The following MYO6 variants were observed in gnomAD, a reference collection of about 807,000 sequenced individuals.
MYO6 encodes myosin VI, also known as unconventional myosin-VI.
MYO6 carries 74 observed loss-of-function variants against 178.7 expected under a neutral mutation model. The observed-to-expected ratio is 0.41, with a 90% CI of 0.34 to 0.50. The LOEUF is 0.50. MYO6 is among the 20% of genes least tolerant of loss of function. The pLI is 0.09. For synonymous variants in MYO6, 477 were observed against 504.6 expected (o/e 0.95, Z 0.73); for missense variants, 1,330 against 1,547.4 (o/e 0.86, Z 2.36).
At chr6:75,857,056 C>G (rs375241453) in intron 12 of MYO6, 41 bp from the exon 13 acceptor site, 24 of 1,601,572 alleles carry the variant, frequency 1.5e-5, no homozygotes, top group Non-Finnish European at 2.1e-5. Flanking sequence ...TCACAGTGCA[C>G]TATTATAAAG....
chr6:75,827,690 T>A (rs958047082), intron 3 of MYO6, among the ~76,000 whole-genome samples: 15 of 152,160 alleles, frequency 9.9e-5, no homozygotes, highest in Non-Finnish European at 2.2e-4. Context: ...GTTGAGAGAT[T>A]CAGATTATGC....
intron 1 of MYO6, among the ~76,000 whole-genome samples, chr6:75,756,910 T>TACACAC (rs35759968): frequency 4.8e-5 from 6 of 123,902 alleles, no homozygotes; most frequent in African/African-American, 1.9e-4. Flanking sequence ...TATATATATA[T>TACACAC]ACACATATAT....
chr6:75,847,352 A>C (rs951612941), intron 10 of MYO6, among the ~76,000 whole-genome samples: 17 of 152,112 alleles, frequency 1.1e-4, no homozygotes, highest in African/African-American at 4.1e-4. Context: ...TGGGAGGAAA[A>C]AATATCCATC....
At chr6:75,902,165 A>G (rs1258416708) in intron 30 of MYO6, among the ~76,000 whole-genome samples, 4 of 152,164 alleles carry the variant, frequency 2.6e-5, no homozygotes, top group Non-Finnish European at 4.4e-5. Context: ...ATGTTCTTCA[A>G]GGATATTGGT....
chr6:75,774,957 C>G (rs1334984743), intron 1 of MYO6, among the ~76,000 whole-genome samples: 1 of 151,944 alleles, frequency 6.6e-6, no homozygotes, highest in Non-Finnish European at 1.5e-5. Flanking sequence ...CCACACCTGG[C>G]TAATTTTTGT....
intron 6 of MYO6, among the ~76,000 whole-genome samples, chr6:75,834,956 A>G (rs1482947941): frequency 6.6e-6 from 1 of 152,240 alleles, no homozygotes; most frequent in Non-Finnish European, 1.5e-5. Context: ...GAAAATGAAC[A>G]AAAAGTTAAG....
At chr6:75,913,114 T>A (rs1288321811) in intron 33 of MYO6, among the ~76,000 whole-genome samples, 1 of 152,182 alleles carries the variant, frequency 6.6e-6, no homozygotes, top group African/African-American at 2.4e-5. Flanking sequence ...GACTCTTAAC[T>A]GAGCTGCTGT....
At chr6:75,845,115 T>C in intron 10 of MYO6, 138 bp downstream of exon 10, 2 of 701,778 alleles carry the variant, frequency 2.8e-6, no homozygotes, top group Admixed American at 5.0e-5. Flanking sequence ...AATATTCATC[T>C]AAGTCTCTGT....
chr6:75,815,888 CT>C (rs921406870), intron 1 of MYO6, among the ~76,000 whole-genome samples: 1 of 152,140 alleles, frequency 6.6e-6, no homozygotes, highest in Non-Finnish European at 1.5e-5. Flanking sequence ...AAATAAGTGC[CT>C]GTCAAGATGA....
At chr6:75,861,176 T>C in intron 15 of MYO6, 81 bp downstream of exon 15, 1 of 1,073,326 alleles carries the variant, frequency 9.3e-7, no homozygotes, top group East Asian at 2.4e-5. Flanking sequence ...TGCTTTTTAA[T>C]TGACATTACT....
intron 7 of MYO6, among the ~76,000 whole-genome samples, chr6:75,838,929 G>T (rs960806083): frequency 1.3e-5 from 2 of 151,832 alleles, no homozygotes; most frequent in African/African-American, 4.8e-5. Context: ...CAAAGTGCTG[G>T]GATTACAGGT....
At chr6:75,776,538 C>T (rs1362947625) in intron 1 of MYO6, among the ~76,000 whole-genome samples, 1 of 152,190 alleles carries the variant, frequency 6.6e-6, no homozygotes. Flanking sequence ...TGGCATTCCC[C>T]TAGGCCACCA....
chr6:75,848,615 T>G, intron 11 of MYO6, 84 bp downstream of exon 11: 1 of 1,382,166 alleles, frequency 7.2e-7, no homozygotes. Context: ...TCTCTTTATA[T>G]GCAGTTTGCT....
intron 1 of MYO6, among the ~76,000 whole-genome samples, chr6:75,784,619 A>C (rs1459606261): frequency 1.3e-5 from 2 of 151,690 alleles, no homozygotes; most frequent in East Asian, 2.0e-4. Flanking sequence ...TAAAAATACA[A>C]AAACAAAATT....
At chr6:75,843,410 G>T (rs1774428850) in intron 9 of MYO6, among the ~76,000 whole-genome samples, 1 of 152,090 alleles carries the variant, frequency 6.6e-6, no homozygotes, top group Admixed American at 6.6e-5. Flanking sequence ...CATGTTTCTG[G>T]AGCCAATTGC....
intron 1 of MYO6, among the ~76,000 whole-genome samples, chr6:75,787,683 T>TATATATATATGGGGGAATGGAA (rs1257394288): frequency 1.5e-3 from 20 of 13,396 alleles, no homozygotes; most frequent in Admixed American, 0.013. Flanking sequence ...CTATTCTCTC[T>TATATATATATGGGGGAATGGAA]CTCTCTCTCT....
intron 20 of MYO6, among the ~76,000 whole-genome samples, chr6:75,876,156 A>T (rs1232287020): frequency 6.6e-6 from 1 of 152,102 alleles, no homozygotes; most frequent in African/African-American, 2.4e-5. Flanking sequence ...ATCACTTCAT[A>T]TGAAAGCTTT....
intron 19 of MYO6, among the ~76,000 whole-genome samples, chr6:75,872,836 G>A (rs1039588981): frequency 1.3e-4 from 20 of 151,176 alleles, no homozygotes; most frequent in Admixed American, 2.0e-4. Context: ...CTGGAGTGCA[G>A]TGGCGTGATC....
At chr6:75,810,582 T>G (rs1232481941) in intron 1 of MYO6, among the ~76,000 whole-genome samples, 2 of 152,336 alleles carry the variant, frequency 1.3e-5, no homozygotes, top group Non-Finnish European at 1.5e-5. Context: ...CAAGTTCCTC[T>G]GGGTTTCCCC....
Sources: allele counts gnomAD v4.1 joint callset (sites outside exome capture counted in the v4.1 genomes callset), GRCh38; gene constraint gnomAD v4.1.1; transcripts MANE v1.5; gene names NCBI Gene and HGNC (gene_info 2026-07-23, HGNC 2026-07-21).